Variants in PRIM2 observed in about 807,000 individuals in gnomAD.
PRIM2 encodes DNA primase large subunit.
PRIM2 carries 39 observed loss-of-function variants against 67.3 expected under a neutral mutation model. The ratio of observed to expected loss-of-function variants is 0.58; its 90% CI spans 0.45 to 0.76. The LOEUF (loss-of-function observed/expected upper bound fraction) is 0.76, where lower values mean the gene tolerates loss of function less well. Among genes scored for constraint, PRIM2 ranks in the 30% least tolerant of loss-of-function variants. The pLI, the probability that PRIM2 is intolerant of heterozygous loss-of-function variation, is 0.00. For synonymous variants in PRIM2, 143 were observed against 198.7 expected (o/e 0.72, Z 2.36); for missense variants, 398 against 598.7 (o/e 0.66, Z 3.50).
At chr6:57,603,213 T>G (rs1461167291) in intron 11 of PRIM2, among the ~76,000 whole-genome samples, 3 of 152,234 alleles carry the variant, frequency 2.0e-5, no homozygotes, top group African/African-American at 7.2e-5. Flanking sequence ...TTTTGTTTTG[T>G]TTTGTTTTCG....
intron 9 of PRIM2, among the ~76,000 whole-genome samples, chr6:57,536,582 G>A (rs1775007396): frequency 6.6e-6 from 1 of 152,084 alleles, no homozygotes; most frequent in South Asian, 2.1e-4. Flanking sequence ...GCCCAAACTG[G>A]AAACAACCCA....
chr6:57,434,455 G>T (rs1350820735), intron 7 of PRIM2, among the ~76,000 whole-genome samples: 1 of 151,888 alleles, frequency 6.6e-6, no homozygotes, highest in African/African-American at 2.4e-5. Context: ...TCAAGAATTT[G>T]CCCTGAAAAG....
chr6:57,373,948 T>C (rs1769655830), intron 5 of PRIM2, among the ~76,000 whole-genome samples: 1 of 152,128 alleles, frequency 6.6e-6, no homozygotes, highest in Admixed American at 6.5e-5. Flanking sequence ...TGGTTCCATA[T>C]GAATTTTAAA....
At chr6:57,539,656 G>GTATA (rs1209100326) in intron 10 of PRIM2, among the ~76,000 whole-genome samples, 5 of 71,136 alleles carry the variant, frequency 7.0e-5, no homozygotes, top group South Asian at 4.6e-4. Context: ...GTGTGTGTGT[G>GTATA]TATATATATA....
chr6:57,222,564 G>T, the PRIM2 span, among the ~76,000 whole-genome samples: 270 of 152,306 alleles, frequency 1.8e-3, no homozygotes, highest in Middle Eastern at 0.014. Context: ...GCCCCGCTTC[G>T]GACACCTACC....
intron 5 of PRIM2, among the ~76,000 whole-genome samples, chr6:57,339,029 A>G (rs1159355237): frequency 1.2e-4 from 19 of 152,102 alleles, no homozygotes; most frequent in Admixed American, 9.8e-4. Context: ...AAATCAATGT[A>G]CAAAAATCAC....
At chr6:57,297,543 A>C in the PRIM2 span, among the ~76,000 whole-genome samples, 1 of 152,256 alleles carries the variant, frequency 6.6e-6, no homozygotes. Flanking sequence ...ATGCTAACAC[A>C]TGATGAGAAA....
At chr6:57,272,460 T>C in the PRIM2 span, among the ~76,000 whole-genome samples, 2 of 152,334 alleles carry the variant, frequency 1.3e-5, no homozygotes, top group Middle Eastern at 3.4e-3. Flanking sequence ...CCTGCCTTTT[T>C]TTGTTTTCCA....
At chr6:57,410,083 C>T (rs1410387750) in intron 7 of PRIM2, among the ~76,000 whole-genome samples, 2 of 151,910 alleles carry the variant, frequency 1.3e-5, no homozygotes, top group Non-Finnish European at 2.9e-5. Flanking sequence ...CTTTGGGAGC[C>T]CCAGGTGGGT....
intron 7 of PRIM2, among the ~76,000 whole-genome samples, chr6:57,427,678 A>C (rs1771676926): frequency 6.6e-6 from 1 of 152,166 alleles, no homozygotes; most frequent in African/African-American, 2.4e-5. Flanking sequence ...TTTGTATTAT[A>C]GTGATAATTT....
intron 12 of PRIM2, among the ~76,000 whole-genome samples, chr6:57,611,588 T>G (rs1351502983): frequency 1.3e-5 from 2 of 152,120 alleles, no homozygotes; most frequent in African/African-American, 4.8e-5. Flanking sequence ...CAATTGGATA[T>G]CTAAATGCAA....
At chr6:57,569,969 C>T (rs1199249558) in intron 10 of PRIM2, among the ~76,000 whole-genome samples, 1 of 152,168 alleles carries the variant, frequency 6.6e-6, no homozygotes, top group Non-Finnish European at 1.5e-5. Context: ...GTCTCGATCT[C>T]TTGACCTCAT....
chr6:57,414,596 CTT>C (rs1771198907), intron 7 of PRIM2, among the ~76,000 whole-genome samples: 1 of 151,948 alleles, frequency 6.6e-6, no homozygotes, highest in East Asian at 1.9e-4. Flanking sequence ...ATATATGAAT[CTT>C]TTGTTACTAA....
chr6:57,488,276 T>A (rs1384208924), intron 7 of PRIM2, among the ~76,000 whole-genome samples: 2 of 152,230 alleles, frequency 1.3e-5, no homozygotes, highest in African/African-American at 4.8e-5. Context: ...CCCACTAGAA[T>A]GAATGGCCAA....
chr6:57,504,961 A>T (rs1774222738), intron 7 of PRIM2, among the ~76,000 whole-genome samples: 1 of 152,254 alleles, frequency 6.6e-6, no homozygotes, highest in East Asian at 1.9e-4. Flanking sequence ...TAAACTAAAC[A>T]TCTGTTGTGT....
chr6:57,510,599 G>A (rs1554347625), intron 8 of PRIM2, among the ~76,000 whole-genome samples: 2 of 151,850 alleles, frequency 1.3e-5, no homozygotes, highest in African/African-American at 4.8e-5. Flanking sequence ...AGGCAACCAG[G>A]ACTAGATGCT....
the PRIM2 span, among the ~76,000 whole-genome samples, chr6:57,291,978 G>T: frequency 5.9e-5 from 9 of 152,168 alleles, no homozygotes; most frequent in Admixed American, 5.9e-4. Flanking sequence ...TTCTGCATAG[G>T]GTTGGAAGTT....
chr6:57,468,083 A>G (rs1401127932), intron 7 of PRIM2, among the ~76,000 whole-genome samples: 3 of 152,190 alleles, frequency 2.0e-5, no homozygotes, highest in Non-Finnish European at 4.4e-5. Flanking sequence ...AACAGAGGCA[A>G]TTTGACTACC....
intron 8 of PRIM2, among the ~76,000 whole-genome samples, chr6:57,515,954 A>G (rs1402344166): frequency 1.3e-5 from 2 of 151,796 alleles, no homozygotes; most frequent in African/African-American, 2.4e-5. Flanking sequence ...TCCTGTTTTT[A>G]TGCTGGCTGT....
Sources: allele counts gnomAD v4.1 joint callset (sites outside exome capture counted in the v4.1 genomes callset), GRCh38; gene constraint gnomAD v4.1.1; transcripts MANE v1.5; gene names NCBI Gene and HGNC (gene_info 2026-07-23, HGNC 2026-07-21).